ARHGAP31: variants seen among roughly 807,000 people sequenced by gnomAD.
The protein encoded by ARHGAP31 is rho GTPase-activating protein 31.
A neutral mutation model predicts 113.9 loss-of-function variants in ARHGAP31; 34 were observed. The ratio of observed to expected loss-of-function variants is 0.30; its 90% CI spans 0.23 to 0.40. The LOEUF is 0.40. Ranked by LOEUF, ARHGAP31 falls within the 10% of genes least tolerant of loss-of-function variation. ARHGAP31 has a pLI of 1.00. For missense variants in ARHGAP31, 1,548 were observed against 1,767.1 expected, an observed-to-expected ratio of 0.88 and a Z score of 2.22; for synonymous variants, 650 against 684.8, an observed-to-expected ratio of 0.95 and a Z score of 0.79.
At chr3:119,324,328 T>C (rs1258148489) in intron 1 of ARHGAP31, among the ~76,000 whole-genome samples, 2 of 152,244 alleles carry the variant, frequency 1.3e-5, no homozygotes, top group Admixed American at 6.5e-5. Flanking sequence ...GGATGTATTA[T>C]AACAATTTTA....
intron 1 of ARHGAP31, among the ~76,000 whole-genome samples, chr3:119,300,567 G>A (rs7624468): frequency 0.016 from 2,432 of 152,202 alleles, 69 homozygotes; most frequent in African/African-American, 0.055. Context: ...GGTGGCTCAC[G>A]CCTATAATTC....
rs756366180 is a variant in ARHGAP31 at position 119,380,984 on chromosome 3, T to C, written c.429T>C (p.Tyr143=). Reference sequence around the variant, plus strand: ...TCCAGGAGCTTCCTCCATCCCACTATAGGTAAGAATGGTTGGGAAAAGAAA... The same window carrying C: ...TCCAGGAGCTTCCTCCATCCCACTACAGGTAAGAATGGTTGGGAAAAGAAA... The part of the protein sequence containing the change: ...NVIQELPPSH[Y]RTLEYLIRHL... Residue 143 remains tyrosine (Y), a splice_region_variant and synonymous_variant, in exon 4 of 12, where the codon TAT becomes TAC. Transcript: ENST00000264245. 5.6e-6 allele frequency: 9 copies of C among 1,613,710 alleles called. No homozygotes were observed. The highest frequency in any genetic ancestry group is 7.6e-6 in the Non-Finnish European group (9 of 1,179,744).
chr3:119,354,432 A>G (rs181830310), intron 1 of ARHGAP31, among the ~76,000 whole-genome samples: 58 of 152,122 alleles, frequency 3.8e-4, no homozygotes, highest in Middle Eastern at 3.4e-3. Context: ...ATTTTCTACC[A>G]CTTAGCAGTA....
intron 4 of ARHGAP31, among the ~76,000 whole-genome samples, chr3:119,381,451 C>T (rs1242575259): frequency 6.6e-6 from 1 of 152,184 alleles, no homozygotes; most frequent in Non-Finnish European, 1.5e-5. Context: ...CCTAATGTTG[C>T]CACCTTTCCC....
chr3:119,337,671 G>A (rs1210451830), intron 1 of ARHGAP31, among the ~76,000 whole-genome samples: 2 of 152,148 alleles, frequency 1.3e-5, no homozygotes, highest in African/African-American at 2.4e-5. Context: ...CGTTTTTACT[G>A]AGTGATGATT....
intron 3 of ARHGAP31, among the ~76,000 whole-genome samples, chr3:119,379,295 G>A (rs1296274509): frequency 6.6e-6 from 1 of 152,146 alleles, no homozygotes; most frequent in Non-Finnish European, 1.5e-5. Flanking sequence ...AGTCCTGTGG[G>A]GAAAAAGTGG....
intron 2 of ARHGAP31, among the ~76,000 whole-genome samples, chr3:119,366,843 T>C (rs978804977): frequency 1.3e-5 from 2 of 152,072 alleles, no homozygotes; most frequent in East Asian, 1.9e-4. Context: ...GGCTCACACC[T>C]GTAATCCCAG....
chr3:119,390,742 G>T (rs2080496134), intron 6 of ARHGAP31, 43 bp from the exon 7 acceptor site: 1 of 1,587,404 alleles, frequency 6.3e-7, no homozygotes. Context: ...GGATGTGATG[G>T]GCAGGCCTCC....
intron 1 of ARHGAP31, among the ~76,000 whole-genome samples, chr3:119,308,982 C>T (rs1178043517): frequency 2.0e-5 from 3 of 152,106 alleles, no homozygotes; most frequent in African/African-American, 7.2e-5. Context: ...GCTGGGACTA[C>T]AGGCATGCAC....
At position 119,416,763 on chromosome 3, in the gene ARHGAP31, T is replaced by C; in HGVS notation, c.*499T>C. The stretch of plus-strand genomic sequence containing the variant: ...TTTAGACCAGTTTTCTAATAAGCTT[T>C]GTAAAATGTACTATCCAAATTAGAA... On this transcript the variant is annotated 3_prime_UTR_variant, in exon 12 of 12. Transcript: ENST00000264245. The C allele has an allele frequency of 4.9e-6, 1 of 204,572 alleles. No homozygotes were observed. Among genetic ancestry groups the C allele is most frequent in the Non-Finnish European group, 1.0e-5 (1 of 100,304 alleles). 12.7% of individuals were successfully genotyped at this position (204,572 alleles called of 1,614,324 possible). A position where few individuals can be genotyped will look rare whatever the true frequency, so the allele number is the denominator to read the frequency against.
At chr3:119,411,536 G>C (rs1473934894) in intron 11 of ARHGAP31, among the ~76,000 whole-genome samples, 4 of 152,208 alleles carry the variant, frequency 2.6e-5, no homozygotes. Flanking sequence ...GCAGAGTGAA[G>C]TGGAAGGGAG....
intron 2 of ARHGAP31, among the ~76,000 whole-genome samples, chr3:119,365,788 C>G (rs1311195626): frequency 6.6e-6 from 1 of 152,180 alleles, no homozygotes; most frequent in Non-Finnish European, 1.5e-5. Context: ...GTTCCTGTTA[C>G]TTAGTGTTCA....
At chr3:119,358,555 T>TA (rs1202653406) in intron 1 of ARHGAP31, among the ~76,000 whole-genome samples, 1 of 152,202 alleles carries the variant, frequency 6.6e-6, no homozygotes, top group African/African-American at 2.4e-5. Context: ...TAAAGGTTCA[T>TA]AGCAACAATA....
At chr3:119,296,637 G>T (rs1236043604) in intron 1 of ARHGAP31, among the ~76,000 whole-genome samples, 1 of 152,146 alleles carries the variant, frequency 6.6e-6, no homozygotes, top group African/African-American at 2.4e-5. Context: ...CAAACTAATA[G>T]ATTATAGGAT....
chr3:119,389,427 A>G (rs147521655), intron 6 of ARHGAP31, among the ~76,000 whole-genome samples: 25 of 152,248 alleles, frequency 1.6e-4, no homozygotes, highest in African/African-American at 4.3e-4. Flanking sequence ...TCTTTGAACA[A>G]ATATTCAAAG....
In ARHGAP31 at chr3:119,416,355, C is replaced by T. The variant is rs927830164; in HGVS notation, c.*91C>T. ...TTGCCATATTCCAGGCACACGTTATCAAGTTTGGGCCTATTGTGGCCTCTG... is the reference window on the plus strand; with the variant it reads ...TTGCCATATTCCAGGCACACGTTATTAAGTTTGGGCCTATTGTGGCCTCTG... On this transcript the variant is annotated 3_prime_UTR_variant, in exon 12 of 12. Coordinates refer to ENST00000264245, the MANE Select transcript of ARHGAP31 (RefSeq NM_020754.4). 7.0e-6 allele frequency: 11 copies of T among 1,577,802 alleles called. No individual in the cohort carries two copies. The highest frequency in any genetic ancestry group is 9.5e-6 in the Non-Finnish European group (11 of 1,162,812).
rs771980065 is a variant in ARHGAP31 at position 119,414,706 on chromosome 3, C to G, written c.2777C>G (p.Ala926Gly). Residue 926 changes from alanine (A) to glycine (G), a missense_variant, in exon 12 of 12, where the codon GCG (alanine) becomes GGG (glycine). Ala to Gly is a moderately conservative substitution (Grantham distance 60). Transcript: ENST00000264245. Reference protein sequence around the residue: ...SPLHSPTLKDAHKAQVQGLQG... With the variant: ...SPLHSPTLKDGHKAQVQGLQG... The stretch of plus-strand genomic sequence containing the variant: ...CTTCACTCTCCCACCCTGAAAGACG[C>G]GCACAAGGCCCAGGTACAGGGCCTT... 9.9e-6 allele frequency: 16 copies of G among 1,614,044 alleles called. No individual in the cohort carries two copies. The highest frequency in any genetic ancestry group is 1.3e-5 in the Non-Finnish European group (15 of 1,180,040).
chr3:119,364,171 C>T (rs936520361), intron 1 of ARHGAP31, among the ~76,000 whole-genome samples: 1 of 133,200 alleles, frequency 7.5e-6, no homozygotes, highest in Non-Finnish European at 1.5e-5. Flanking sequence ...GAGGCCCTGT[C>T]GGTCCCTTTT....
chr3:119,349,376 A>G (rs771064704), intron 1 of ARHGAP31, among the ~76,000 whole-genome samples: 6 of 152,150 alleles, frequency 3.9e-5, no homozygotes, highest in Non-Finnish European at 8.8e-5. Flanking sequence ...GAGTTATTCT[A>G]TTTGAGGTTA....
Sources: gnomAD v4.1 joint callset for allele counts (sites outside exome capture counted in the v4.1 genomes callset) on GRCh38, gnomAD v4.1.1 for gene constraint, MANE v1.5 for transcripts, NCBI Gene and HGNC (gene_info 2026-07-23, HGNC 2026-07-21) for gene names.